GRIK3: variants seen among roughly 807,000 people sequenced by gnomAD.
GRIK3 encodes glutamate receptor ionotropic, kainate 3.
GRIK3 carries 29 observed loss-of-function variants against 102.5 expected under a neutral mutation model. The observed-to-expected ratio is 0.28, with a 90% CI of 0.21 to 0.39. The LOEUF is 0.39. GRIK3 is among the 10% of genes least tolerant of loss of function. GRIK3 has a pLI of 1.00. For synonymous variants in GRIK3, 511 were observed against 504.9 expected (o/e 1.01, Z -0.16); for missense variants, 908 against 1,252.4 (o/e 0.73, Z 4.15).
chr1:36,876,381 A>G (rs1486016237), intron 3 of GRIK3, among the ~76,000 whole-genome samples: 2 of 152,128 alleles, frequency 1.3e-5, no homozygotes, highest in South Asian at 2.1e-4. Flanking sequence ...AATGAAGAAG[A>G]AAATCCCATT....
rs111647949 is a variant in GRIK3 at position 36,811,077 on chromosome 1, T to C, written c.2092-4751A>G. Among the ~76,000 whole-genome samples, 341 of 152,330 alleles carry C rather than the reference T, an allele frequency of 2.2e-3. 1 individual carries two copies. The highest frequency in any genetic ancestry group is 7.9e-3 in the African/African-American group (329 of 41,574). On this transcript the variant is annotated intron_variant, in intron 13 of 15. Transcript: ENST00000373091. ...ACTTTCCATATCTGTAAAACGGGTG[T>C]TGTAAGAGTACGTGCTACTTAGGGT...
chr1:36,821,194 T>C (rs1476679921), intron 11 of GRIK3, among the ~76,000 whole-genome samples: 2 of 152,234 alleles, frequency 1.3e-5, no homozygotes, highest in East Asian at 3.8e-4. Flanking sequence ...TTTATTTTCA[T>C]GAAGCGGGAA....
chr1:36,891,820 C>T (rs1034202883), intron 1 of GRIK3, among the ~76,000 whole-genome samples: 1 of 152,096 alleles, frequency 6.6e-6, no homozygotes, highest in African/African-American at 2.4e-5. Flanking sequence ...TTAAAATAAT[C>T]CCTAAACATG....
chr1:36,844,665 C>T, intron 9 of GRIK3, among the ~76,000 whole-genome samples: 1 of 152,160 alleles, frequency 6.6e-6, no homozygotes, highest in East Asian at 1.9e-4. Context: ...ACCTGCCTTA[C>T]AAGGTTGTTG....
intron 1 of GRIK3, among the ~76,000 whole-genome samples, chr1:37,022,179 C>T (rs979444426): frequency 6.6e-6 from 1 of 152,200 alleles, no homozygotes; most frequent in African/African-American, 2.4e-5. Context: ...TGTCTACATA[C>T]CCTTGCAGGA....
rs1382606417 is a variant in GRIK3, at chr1:36,819,183, A to T, written c.1873+553T>A. ...GGCTGAAGTCCCCAACTCAGCCATG[A>T]TCCTTCCTACTCCCAGGCACCTCAC... On this transcript the variant is annotated intron_variant, in intron 12 of 15. Coordinates refer to ENST00000373091, the MANE Select transcript of GRIK3 (RefSeq NM_000831.4). The surrounding 1 kb of genome is among the most constrained non-coding windows in gnomAD (Gnocchi z 4.1). Among the ~76,000 whole-genome samples, 1 of 152,138 alleles carries T rather than the reference A, an allele frequency of 6.6e-6. No homozygotes were observed. The highest frequency in any genetic ancestry group is 2.4e-5 in the African/African-American group (1 of 41,440).
chr1:36,951,934 C>G (rs1298368123), intron 1 of GRIK3, among the ~76,000 whole-genome samples: 1 of 152,186 alleles, frequency 6.6e-6, no homozygotes, highest in Admixed American at 6.5e-5. Context: ...GCCAAACAGC[C>G]AGGGCCTCTG....
chr1:36,945,863 G>C (rs532640795), intron 1 of GRIK3, among the ~76,000 whole-genome samples: 1 of 152,268 alleles, frequency 6.6e-6, no homozygotes, highest in South Asian at 2.1e-4. Context: ...TGCTGGACAG[G>C]GAAGTGTCTT....
chr1:37,019,204 G>C (rs1269767075), intron 1 of GRIK3, among the ~76,000 whole-genome samples: 1 of 152,176 alleles, frequency 6.6e-6, no homozygotes, highest in Non-Finnish European at 1.5e-5. Context: ...AAAAGTTAAG[G>C]TTCAGTTCTG....
At chr1:36,866,211 C>T (rs948944040) in intron 5 of GRIK3, among the ~76,000 whole-genome samples, 16 of 152,310 alleles carry the variant, frequency 1.1e-4, no homozygotes, top group Admixed American at 1.0e-3. Flanking sequence ...ACTGGTGTAG[C>T]ATGGGAGCTG....
intron 5 of GRIK3, among the ~76,000 whole-genome samples, chr1:36,865,055 G>C (rs1570768213): frequency 6.6e-6 from 1 of 152,212 alleles, no homozygotes; most frequent in Admixed American, 6.5e-5. Context: ...GAATGGGTAG[G>C]AGCTGAAGCT....
intron 2 of GRIK3, among the ~76,000 whole-genome samples, chr1:36,886,486 G>A (rs1250881584): frequency 6.6e-6 from 1 of 152,206 alleles, no homozygotes; most frequent in Non-Finnish European, 1.5e-5. Flanking sequence ...GGAACATGGG[G>A]CTCTCCCTGA....
intron 1 of GRIK3, among the ~76,000 whole-genome samples, chr1:36,960,747 G>T (rs1383776876): frequency 2.6e-5 from 4 of 152,236 alleles, no homozygotes; most frequent in Admixed American, 2.0e-4. Context: ...CCTAGACACA[G>T]AACTGCCCTC....
At chr1:36,887,583 T>C (rs1240742636) in intron 2 of GRIK3, among the ~76,000 whole-genome samples, 2 of 151,742 alleles carry the variant, frequency 1.3e-5, no homozygotes, top group East Asian at 1.9e-4. Context: ...GATGAAACCC[T>C]ACCTGTACTA....
intron 1 of GRIK3, among the ~76,000 whole-genome samples, chr1:36,983,197 G>A (rs1642268349): frequency 6.6e-6 from 1 of 152,074 alleles, no homozygotes; most frequent in East Asian, 1.9e-4. Context: ...TGGAATCTCT[G>A]CCTCTCTGGG....
At chr1:36,809,152 C>CCCAT (rs56242743) in intron 13 of GRIK3, among the ~76,000 whole-genome samples, 26,659 of 151,012 alleles carry the variant, frequency 0.18, 2,657 homozygotes, top group African/African-American at 0.27. Flanking sequence ...TACCCATCAA[C>CCCAT]CCATCCATCC....
intron 1 of GRIK3, among the ~76,000 whole-genome samples, chr1:36,974,908 T>C (rs1212699169): frequency 7.9e-5 from 12 of 151,988 alleles, no homozygotes; most frequent in Non-Finnish European, 1.5e-5. Context: ...AAGACAAATA[T>C]TGTATTTATT....
At chr1:36,923,707 G>A (rs1017705513) in intron 1 of GRIK3, among the ~76,000 whole-genome samples, 2 of 152,164 alleles carry the variant, frequency 1.3e-5, no homozygotes, top group African/African-American at 2.4e-5. Flanking sequence ...AGGCTTCTAG[G>A]ATAAATCCTA....
At chr1:36,975,855 A>C (rs1642190795) in intron 1 of GRIK3, among the ~76,000 whole-genome samples, 1 of 152,224 alleles carries the variant, frequency 6.6e-6, no homozygotes. Flanking sequence ...TGACAGCAGT[A>C]AGCCGTCTAC....
Sources: allele counts gnomAD v4.1 joint callset (sites outside exome capture counted in the v4.1 genomes callset), GRCh38; gene constraint gnomAD v4.1.1; non-coding constraint Gnocchi (gnomAD v3.1); transcripts MANE v1.5; gene names NCBI Gene and HGNC (gene_info 2026-07-23, HGNC 2026-07-21).